OCA2: variants seen among roughly 807,000 people sequenced by gnomAD.
The protein encoded by OCA2 is P protein.
In OCA2, 77 loss-of-function variants were observed where a neutral mutation model predicts 100.2. The ratio of observed to expected loss-of-function variants is 0.77; its 90% confidence interval spans 0.64 to 0.93. The LOEUF is 0.93. Among genes scored for constraint, OCA2 ranks in the 40% least tolerant of loss-of-function variants. The probability of loss-of-function intolerance (pLI) is 0.00; values close to 1 mark genes in which losing one functional copy is unlikely to be tolerated. For synonymous variants in OCA2, 432 were observed against 439.2 expected, an observed-to-expected ratio of 0.98 and a Z score of 0.21; for missense variants, 1,062 against 1,089.1, an observed-to-expected ratio of 0.98 and a Z score of 0.35.
the OCA2 span, among the ~76,000 whole-genome samples, chr15:27,734,286 C>CAAAAAAAA: frequency 3.1e-4 from 24 of 76,340 alleles, no homozygotes; most frequent in South Asian, 6.7e-4. Flanking sequence ...TTTTCAAGAG[C>CAAAAAAAA]AAAAAAAAAA....
At chr15:27,892,759 A>G (rs185781137) in intron 19 of OCA2, among the ~76,000 whole-genome samples, 108 of 152,308 alleles carry the variant, frequency 7.1e-4, no homozygotes, top group Middle Eastern at 3.4e-3. Flanking sequence ...AATGAAAATC[A>G]AAGGAGAAAA....
intron 2 of OCA2, among the ~76,000 whole-genome samples, chr15:28,079,964 T>C (rs1160859062): frequency 6.6e-6 from 1 of 152,234 alleles, no homozygotes; most frequent in Non-Finnish European, 1.5e-5. Flanking sequence ...CTGCCCCTGG[T>C]ACACCATACA....
At chr15:27,916,326 A>G (rs2594882) in intron 19 of OCA2, among the ~76,000 whole-genome samples, 8,238 of 152,182 alleles carry the variant, frequency 0.054, 769 homozygotes, top group African/African-American at 0.19. Context: ...AAACCTGCAC[A>G]TGTACCCCCG....
chr15:27,738,722 G>GA, the OCA2 span, among the ~76,000 whole-genome samples: 18 of 147,450 alleles, frequency 1.2e-4, no homozygotes, highest in South Asian at 1.3e-3. Context: ...CTCGGTCTCA[G>GA]AAAAAAAAAA....
At chr15:28,081,018 T>A (rs920490033) in intron 2 of OCA2, among the ~76,000 whole-genome samples, 15 of 152,068 alleles carry the variant, frequency 9.9e-5, no homozygotes, top group Non-Finnish European at 2.1e-4. Context: ...TACCACATAT[T>A]CTCACGACAA....
In OCA2 at chr15:27,876,255, T is replaced by G. The variant is rs117644784; in HGVS notation, c.2080-4333A>C. Among the ~76,000 whole-genome samples the G allele has an allele frequency of 2.0e-3, 297 of 152,206 alleles. 1 individual carries two copies. The highest frequency in any genetic ancestry group is 3.0e-3 in the Non-Finnish European group (207 of 67,930). ...GTTTTTCTCCTGCAATCTGTTAATA[T>G]GGAAAATTATACTAATTATTGAATG... is the stretch of plus-strand genomic sequence containing the variant. On this transcript the variant is annotated intron_variant, in intron 19 of 23. Coordinates refer to ENST00000354638, the MANE Select transcript of OCA2 (RefSeq NM_000275.3).
At chr15:27,801,120 C>G (rs527923145) in intron 23 of OCA2, among the ~76,000 whole-genome samples, 1 of 152,272 alleles carries the variant, frequency 6.6e-6, no homozygotes, top group East Asian at 1.9e-4. Context: ...AAAAGAGAAT[C>G]CTTCCCAACT....
chr15:27,866,057 C>T (rs1326888073), intron 21 of OCA2, among the ~76,000 whole-genome samples: 1 of 152,194 alleles, frequency 6.6e-6, no homozygotes, highest in Non-Finnish European at 1.5e-5. Flanking sequence ...GAATGAGTTG[C>T]CTTACATGAC....
At position 27,957,533 on chromosome 15, in the gene OCA2, C is replaced by T; in HGVS notation, c.1784+55G>A. The T allele has an allele frequency of 6.2e-7, 1 of 1,600,524 alleles. No individual in the cohort carries two copies. The highest frequency in any genetic ancestry group is 2.2e-5 in the East Asian group (1 of 44,798). On this transcript the variant is annotated intron_variant, in intron 16 of 23. Coordinates refer to ENST00000354638, the MANE Select transcript of OCA2 (RefSeq NM_000275.3). This position sits in a 1 kb window ranked among gnomAD's most constrained non-coding sequence, Gnocchi z 4.3. ...AGCTAATGTCGCTATTTTGTAGGCC[C>T]ATGGAATGTTCTGCTGCACACCAAG...
intron 18 of OCA2, among the ~76,000 whole-genome samples, chr15:27,937,281 A>G (rs879507915): frequency 6.6e-6 from 1 of 151,706 alleles, no homozygotes; most frequent in Non-Finnish European, 1.5e-5. Context: ...CCACTATATG[A>G]CTCTCCCACC....
At chr15:27,731,052 C>T in the OCA2 span, among the ~76,000 whole-genome samples, 1 of 151,946 alleles carries the variant, frequency 6.6e-6, no homozygotes, top group East Asian at 1.9e-4. Flanking sequence ...CTAAATGTAG[C>T]CACATAGTAA....
At chr15:27,875,821 C>T (rs182948866) in intron 19 of OCA2, among the ~76,000 whole-genome samples, 18 of 151,720 alleles carry the variant, frequency 1.2e-4, no homozygotes, top group East Asian at 1.2e-3. Flanking sequence ...TCCAATTATG[C>T]GCTAGAATAT....
chr15:27,730,773 A>G, the OCA2 span, among the ~76,000 whole-genome samples: 14 of 72,678 alleles, frequency 1.9e-4, no homozygotes, highest in Non-Finnish European at 4.5e-4. Flanking sequence ...ATATATATAT[A>G]TATATGTTTT....
At chr15:28,008,423 T>A (rs888461618) in intron 9 of OCA2, among the ~76,000 whole-genome samples, 1 of 152,232 alleles carries the variant, frequency 6.6e-6, no homozygotes, top group Non-Finnish European at 1.5e-5. Context: ...TTAAAGGTGT[T>A]TGTTTTTACC....
At chr15:27,775,063 CG>C (rs1343355873) in intron 23 of OCA2, among the ~76,000 whole-genome samples, 1 of 142,938 alleles carries the variant, frequency 7.0e-6, no homozygotes, top group Non-Finnish European at 1.5e-5. Context: ...TTTTAGAACT[CG>C]TGTGTGTGTG....
At chr15:27,786,871 G>A (rs902487626) in intron 23 of OCA2, among the ~76,000 whole-genome samples, 3 of 152,086 alleles carry the variant, frequency 2.0e-5, no homozygotes, top group Admixed American at 6.5e-5. Context: ...CAATCCGAGG[G>A]AAAACATTCA....
At chr15:27,865,137 G>A (rs1041539586) in intron 21 of OCA2, among the ~76,000 whole-genome samples, 1 of 151,834 alleles carries the variant, frequency 6.6e-6, no homozygotes, top group African/African-American at 2.4e-5. Context: ...GACACGCTTG[G>A]AGAGATGACG....
rs1005505054 is a variant in OCA2, at chr15:28,024,216, G to A, written c.573+629C>T. Reference sequence around the variant, plus strand: ...GACCCCTCCAATGAAGAACAGCACCGCCCACTGCCATGGGCTCACCAGAGC... The same window carrying A: ...GACCCCTCCAATGAAGAACAGCACCACCCACTGCCATGGGCTCACCAGAGC... On this transcript the variant is annotated intron_variant, in intron 5 of 23. Transcript: ENST00000354638. Among the ~76,000 whole-genome samples the A allele has an allele frequency of 9.9e-5, 15 of 152,274 alleles. No individual in the cohort carries two copies. The East Asian group carries it at 1.7e-3, about 18-fold the overall frequency.
At chr15:28,063,539 T>C (rs776820474) in intron 2 of OCA2, among the ~76,000 whole-genome samples, 2 of 152,134 alleles carry the variant, frequency 1.3e-5, no homozygotes, top group Non-Finnish European at 2.9e-5. Flanking sequence ...TAGTGTATCA[T>C]TTTGATTCCT....
Sources: gnomAD v4.1 joint callset for allele counts (sites outside exome capture counted in the v4.1 genomes callset) on GRCh38, gnomAD v4.1.1 for gene constraint, Gnocchi (gnomAD v3.1) non-coding constraint, MANE v1.5 for transcripts, NCBI Gene and HGNC (gene_info 2026-07-23, HGNC 2026-07-21) for gene names.